The following NOL4 variants were observed in gnomAD, a reference collection of about 807,000 sequenced individuals.
NOL4 encodes the protein nucleolar protein 4.
In NOL4, 17 loss-of-function variants were observed where a neutral mutation model predicts 75.9. The ratio of observed to expected loss-of-function variants is 0.22; its 90% CI spans 0.15 to 0.34. The LOEUF (loss-of-function observed/expected upper bound fraction) is 0.34. Ranked by LOEUF, NOL4 falls within the 10% of genes least tolerant of loss-of-function variation. The pLI, the probability that NOL4 is intolerant of heterozygous loss-of-function variation, is 1.00. For missense variants in NOL4, 614 were observed against 793.5 expected, an observed-to-expected ratio of 0.77 and a Z score of 2.72; for synonymous variants, 292 against 289.9, an observed-to-expected ratio of 1.01 and a Z score of -0.07.
chr18:33,946,034 T>C (rs1448876314), intron 8 of NOL4, among the ~76,000 whole-genome samples: 1 of 151,700 alleles, frequency 6.6e-6, no homozygotes, highest in East Asian at 1.9e-4. Flanking sequence ...CAAAAAATTC[T>C]TTAAAAAATC....
chr18:34,119,442 A>AGGCAATATT (rs1392687128), intron 2 of NOL4, among the ~76,000 whole-genome samples: 3 of 152,082 alleles, frequency 2.0e-5, no homozygotes, highest in Non-Finnish European at 2.9e-5. Flanking sequence ...GCCATGACTC[A>AGGCAATATT]GGCAATATTA....
intron 1 of NOL4, among the ~76,000 whole-genome samples, chr18:34,136,597 A>G (rs1170048511): frequency 2.6e-5 from 4 of 152,164 alleles, no homozygotes; most frequent in Non-Finnish European, 4.4e-5. Flanking sequence ...TCAAAACACT[A>G]AAATACTTAG....
intron 1 of NOL4, among the ~76,000 whole-genome samples, chr18:34,176,991 T>A (rs925333018): frequency 3.3e-5 from 5 of 151,990 alleles, no homozygotes; most frequent in South Asian, 2.1e-4. Context: ...TCTTTTTTTT[T>A]AAATACAGGA....
chr18:34,162,786 C>A (rs1280641881), intron 1 of NOL4, among the ~76,000 whole-genome samples: 2 of 152,080 alleles, frequency 1.3e-5, no homozygotes, highest in East Asian at 3.9e-4. Flanking sequence ...GAGACACAAC[C>A]AAAAAAGAGA....
intron 5 of NOL4, among the ~76,000 whole-genome samples, chr18:34,086,876 A>G (rs1260312435): frequency 6.6e-6 from 1 of 152,114 alleles, no homozygotes; most frequent in Admixed American, 6.6e-5. Flanking sequence ...AAGAACTGTC[A>G]TATGTGGCAA....
At chr18:34,119,318 CA>C in intron 2 of NOL4, among the ~76,000 whole-genome samples, 1 of 152,256 alleles carries the variant, frequency 6.6e-6, no homozygotes, top group East Asian at 1.9e-4. Context: ...TTTCCAATAG[CA>C]AAACCAGGAA....
At chr18:34,058,527 T>A (rs147644881) in intron 5 of NOL4, among the ~76,000 whole-genome samples, 120 of 152,306 alleles carry the variant, frequency 7.9e-4, no homozygotes, top group African/African-American at 2.8e-3. Flanking sequence ...CTTTCATGTC[T>A]TGAGTAAACT....
intron 5 of NOL4, among the ~76,000 whole-genome samples, chr18:34,058,294 C>T (rs749112496): frequency 1.1e-4 from 16 of 152,198 alleles, no homozygotes; most frequent in South Asian, 4.1e-4. Flanking sequence ...CCACCACGCC[C>T]GGCTAATTTT....
intron 9 of NOL4, among the ~76,000 whole-genome samples, chr18:33,933,252 G>A (rs909188258): frequency 1.8e-4 from 27 of 152,224 alleles, no homozygotes; most frequent in African/African-American, 6.5e-4. Flanking sequence ...AACCGTTATT[G>A]CTTAAAAATG....
intron 2 of NOL4, among the ~76,000 whole-genome samples, chr18:34,119,657 T>G (rs2080031399): frequency 6.6e-6 from 1 of 152,190 alleles, no homozygotes; most frequent in African/African-American, 2.4e-5. Context: ...AGTCTCGCTC[T>G]GTCGCCCACG....
chr18:34,031,292 T>C (rs576560113), intron 5 of NOL4, among the ~76,000 whole-genome samples: 2 of 152,338 alleles, frequency 1.3e-5, no homozygotes, highest in African/African-American at 4.8e-5. Context: ...ACTCCAGTCC[T>C]GTGTTTCTAA....
intron 5 of NOL4, among the ~76,000 whole-genome samples, chr18:34,076,200 C>G (rs772976133): frequency 5.9e-5 from 9 of 152,156 alleles, no homozygotes; most frequent in African/African-American, 9.7e-5. Context: ...CTCTCCCCTA[C>G]GCAAATGCAG....
rs76590817 is a variant in NOL4 at position 33,936,170 on chromosome 18, T to C, written c.1542+6895A>G. Among the ~76,000 whole-genome samples, 1,159 of 152,278 alleles carry C rather than the reference T, an allele frequency of 7.6e-3. 11 individuals carry two copies. Among genetic ancestry groups the C allele is most frequent in the African/African-American group, 0.026 (1,065 of 41,576 alleles). Reference sequence around the variant, plus strand: ...TAGATAGTTTTAAAAAAAAGTCATATTAAAATTGCCCCCACGCTTACGTGG... The same window carrying C: ...TAGATAGTTTTAAAAAAAAGTCATACTAAAATTGCCCCCACGCTTACGTGG... On this transcript the variant is annotated intron_variant, in intron 9 of 10. Transcript: ENST00000261592.
At chr18:34,088,018 A>C (rs1248834851) in intron 5 of NOL4, among the ~76,000 whole-genome samples, 1 of 151,874 alleles carries the variant, frequency 6.6e-6, no homozygotes, top group Non-Finnish European at 1.5e-5. Context: ...AAATATATAT[A>C]TATAAATTGT....
intron 2 of NOL4, 94 bp downstream of exon 2, chr18:34,129,777 A>G (rs1263434455): frequency 8.4e-7 from 1 of 1,187,314 alleles, no homozygotes; most frequent in Non-Finnish European, 1.1e-6. Flanking sequence ...TATGTTGAAG[A>G]TAGAATATTT....
At chr18:34,161,366 G>A (rs1459904385) in intron 1 of NOL4, among the ~76,000 whole-genome samples, 2 of 152,032 alleles carry the variant, frequency 1.3e-5, no homozygotes, top group Non-Finnish European at 2.9e-5. Flanking sequence ...AGTTTTATGA[G>A]GAGCCTCCAC....
intron 10 of NOL4, among the ~76,000 whole-genome samples, chr18:33,866,965 T>C (rs2144402028): frequency 6.6e-6 from 1 of 152,206 alleles, no homozygotes; most frequent in Non-Finnish European, 1.5e-5. Context: ...AGGTCAAAAA[T>C]ATCACAATTG....
chr18:33,884,128 C>T (rs551833862), intron 9 of NOL4, among the ~76,000 whole-genome samples: 17 of 151,872 alleles, frequency 1.1e-4, no homozygotes, highest in Non-Finnish European at 2.2e-4. Context: ...AAATAACTTG[C>T]TAGGCTTTAA....
intron 4 of NOL4, among the ~76,000 whole-genome samples, chr18:34,100,662 A>T (rs867024483): frequency 6.6e-6 from 1 of 152,086 alleles, no homozygotes; most frequent in South Asian, 2.1e-4. Context: ...TATCTGCCAG[A>T]TGTTATAACA....
Sources: allele counts gnomAD v4.1 joint callset (sites outside exome capture counted in the v4.1 genomes callset), GRCh38; gene constraint gnomAD v4.1.1; transcripts MANE v1.5; gene names NCBI Gene and HGNC (gene_info 2026-07-23, HGNC 2026-07-21).